The following PGCKA1 variants were observed in gnomAD, a reference collection of about 807,000 sequenced individuals.
The protein encoded by PGCKA1 is PDCD10 and GCKIII kinases associated 1.
At chr4:37,581,060 G>A in the PGCKA1 span, among the ~76,000 whole-genome samples, 1 of 152,060 alleles carries the variant, frequency 6.6e-6, no homozygotes, top group African/African-American at 2.4e-5. This position sits in a 1 kb window ranked among gnomAD's most constrained non-coding sequence, Gnocchi z 4.4. Context: ...TACTGCCGAT[G>A]TTCACTTAAG....
At chr4:37,547,998 C>A in the PGCKA1 span, among the ~76,000 whole-genome samples, 6 of 114,478 alleles carry the variant, frequency 5.2e-5, no homozygotes, top group African/African-American at 9.5e-5. Flanking sequence ...AAATGGTTAT[C>A]TTCAAAAAAA....
chr4:37,540,273 T>C, the PGCKA1 span, among the ~76,000 whole-genome samples: 855 of 152,332 alleles, frequency 5.6e-3, 12 homozygotes, highest in African/African-American at 0.019. Flanking sequence ...CAAACATATA[T>C]AACATTTTTA....
the PGCKA1 span, among the ~76,000 whole-genome samples, chr4:37,472,239 C>T: frequency 6.6e-6 from 1 of 152,156 alleles, no homozygotes; most frequent in Non-Finnish European, 1.5e-5. Context: ...CAGTCCTTTC[C>T]TCATTCTCTT....
the PGCKA1 span, among the ~76,000 whole-genome samples, chr4:37,535,193 A>G: frequency 0.013 from 1,994 of 152,288 alleles, 45 homozygotes; most frequent in African/African-American, 0.046. Flanking sequence ...CACGGCCAGT[A>G]AAAACTCCCA....
the PGCKA1 span, among the ~76,000 whole-genome samples, chr4:37,576,077 G>C: frequency 2.0e-5 from 3 of 152,070 alleles, no homozygotes; most frequent in African/African-American, 4.8e-5. Context: ...TGGCTAGTCT[G>C]AGTCTTTTGT....
At chr4:37,591,139 T>TGATTGTCAGCATCTGTCCC in the PGCKA1 span, 4 of 684,784 alleles carry the variant, frequency 5.8e-6, no homozygotes, top group East Asian at 8.1e-5. Context: ...GCATCTGTTC[T>TGATTGTCAGCATCTGTCCC]GATTGTCAGC....
chr4:37,495,764 G>A, the PGCKA1 span, among the ~76,000 whole-genome samples: 1 of 152,054 alleles, frequency 6.6e-6, no homozygotes, highest in East Asian at 1.9e-4. Flanking sequence ...TAGATGATGG[G>A]TTGATGGGTG....
the PGCKA1 span, chr4:37,460,755 A>C: frequency 9.3e-5 from 30 of 322,674 alleles, no homozygotes; most frequent in Non-Finnish European, 1.7e-4. Context: ...AGGTGGGTAG[A>C]TTGCAAAAAT....
chr4:37,488,808 C>T, the PGCKA1 span, among the ~76,000 whole-genome samples: 1 of 152,168 alleles, frequency 6.6e-6, no homozygotes, highest in Non-Finnish European at 1.5e-5. Context: ...CTTCCATCTC[C>T]TATCAACATA....
chr4:37,468,507 C>T, the PGCKA1 span, among the ~76,000 whole-genome samples: 590 of 152,304 alleles, frequency 3.9e-3, 9 homozygotes, highest in African/African-American at 0.013. Context: ...TTCTTCTCCT[C>T]CCCTGAAGCT....
chr4:37,467,070 C>G, the PGCKA1 span, among the ~76,000 whole-genome samples: 11 of 152,128 alleles, frequency 7.2e-5, no homozygotes, highest in Non-Finnish European at 1.6e-4. Context: ...TGCACTCCAG[C>G]CTGGGTGACA....
the PGCKA1 span, among the ~76,000 whole-genome samples, chr4:37,571,355 C>CTTTTTTCCCTTT: frequency 2.6e-5 from 2 of 78,036 alleles, 1 homozygote; most frequent in African/African-American, 1.2e-4. Context: ...GACTATTATC[C>CTTTTTTCCCTTT]TTTTTTTTTT....
chr4:37,455,733 C>G, the PGCKA1 span, among the ~76,000 whole-genome samples: 5 of 152,222 alleles, frequency 3.3e-5, no homozygotes, highest in African/African-American at 9.6e-5. Flanking sequence ...CACCCAGACC[C>G]TCTCTGAGCC....
At chr4:37,464,120 T>C in the PGCKA1 span, among the ~76,000 whole-genome samples, 1 of 152,196 alleles carries the variant, frequency 6.6e-6, no homozygotes, top group African/African-American at 2.4e-5. Flanking sequence ...TTACCCTCTA[T>C]TCAGTTTAAG....
At chr4:37,506,046 C>A in the PGCKA1 span, among the ~76,000 whole-genome samples, 1 of 152,178 alleles carries the variant, frequency 6.6e-6, no homozygotes, top group Non-Finnish European at 1.5e-5. Flanking sequence ...TTATCCATAT[C>A]TTCTAGATGT....
At chr4:37,551,869 T>C in the PGCKA1 span, among the ~76,000 whole-genome samples, 1 of 152,208 alleles carries the variant, frequency 6.6e-6, no homozygotes, top group Non-Finnish European at 1.5e-5. Context: ...ACCAAAATGC[T>C]TCAGCACAAG....
At chr4:37,504,172 G>A in the PGCKA1 span, among the ~76,000 whole-genome samples, 8 of 152,038 alleles carry the variant, frequency 5.3e-5, no homozygotes, top group South Asian at 2.1e-4. Context: ...ATGGCTATCC[G>A]GTTTTCCAAG....
At chr4:37,563,060 T>C in the PGCKA1 span, among the ~76,000 whole-genome samples, 1,915 of 148,608 alleles carry the variant, frequency 0.013, 105 homozygotes, top group East Asian at 0.15. Flanking sequence ...TCATCTACAA[T>C]TAGGGGACAA....
the PGCKA1 span, among the ~76,000 whole-genome samples, chr4:37,549,998 T>C: frequency 7.4e-3 from 1,131 of 152,328 alleles, 14 homozygotes; most frequent in African/African-American, 0.026. Context: ...GTTCCTAGTA[T>C]ATACATCAAG....
Sources: gnomAD v4.1 joint callset for allele counts (sites outside exome capture counted in the v4.1 genomes callset) on GRCh38, gnomAD v4.1.1 for gene constraint, Gnocchi (gnomAD v3.1) non-coding constraint, MANE v1.5 for transcripts, NCBI Gene and HGNC (gene_info 2026-07-23, HGNC 2026-07-21) for gene names.